CLSTN2: variants seen among roughly 807,000 people sequenced by gnomAD.
CLSTN2 encodes the protein calsyntenin-2.
In CLSTN2, 48 loss-of-function variants were observed where a neutral mutation model predicts 101.2. The observed-to-expected ratio is 0.47, with a 90% CI of 0.38 to 0.60. The LOEUF (loss-of-function observed/expected upper bound fraction) is 0.60, where lower values mean the gene tolerates loss of function less well. Ranked by LOEUF, CLSTN2 falls within the 20% of genes least tolerant of loss-of-function variation. The pLI, the probability that CLSTN2 is intolerant of heterozygous loss-of-function variation, is 0.00. For synonymous variants in CLSTN2, 481 were observed against 463.6 expected (o/e 1.04, Z -0.48); for missense variants, 1,160 against 1,238.2 (o/e 0.94, Z 0.95).
chr3:140,353,440 C>T lies in CLSTN2; in HGVS notation c.233-50189C>T, dbSNP rs556848217. Among the ~76,000 whole-genome samples the T allele has an allele frequency of 3.2e-4, 48 of 152,138 alleles. No individual in the cohort carries two copies. The South Asian group carries it at 1.0e-2, about 32-fold the overall frequency. ...GTATACTGGGAGTCTAGGCCAGTCT[C>T]GCCTTTTGACATTTTTCTGCCTGTT... On this transcript the variant is annotated intron_variant, in intron 2 of 16. Coordinates refer to ENST00000458420, the MANE Select transcript of CLSTN2 (RefSeq NM_022131.3).
chr3:140,351,697 G>T (rs1460294726), intron 2 of CLSTN2, among the ~76,000 whole-genome samples: 1 of 152,172 alleles, frequency 6.6e-6, no homozygotes, highest in Non-Finnish European at 1.5e-5. Flanking sequence ...TGTCCTGCAG[G>T]CTCTAGAGGC....
intron 2 of CLSTN2, among the ~76,000 whole-genome samples, chr3:140,219,649 C>T (rs1054270841): frequency 2.0e-5 from 3 of 152,196 alleles, no homozygotes; most frequent in African/African-American, 4.8e-5. Flanking sequence ...TCAGTGATTG[C>T]GCCCAGCCCT....
chr3:140,553,841 G>T (rs1201902390), intron 10 of CLSTN2, among the ~76,000 whole-genome samples: 1 of 152,130 alleles, frequency 6.6e-6, no homozygotes, highest in Non-Finnish European at 1.5e-5. Flanking sequence ...CCTCCGCAAT[G>T]CCCAGGAAGG....
chr3:140,100,139 G>A (rs546691635), intron 1 of CLSTN2, among the ~76,000 whole-genome samples: 9 of 142,596 alleles, frequency 6.3e-5, no homozygotes, highest in African/African-American at 2.3e-4. Flanking sequence ...TCTGTAAGTT[G>A]CATTTCTCTT....
At position 140,550,178 on chromosome 3, in the gene CLSTN2, C is replaced by A. The variant is rs1044139072; in HGVS notation, c.1674+3497C>A. On this transcript the variant is annotated intron_variant, in intron 10 of 16. Transcript: ENST00000458420. ...AGGCAGGGGCCATATCAGAGCCCAC[C>A]TATTAACCATGTTTAGGTGTTTACG... is the stretch of plus-strand genomic sequence containing the variant. Among the ~76,000 whole-genome samples, 24 of 151,812 alleles carry A rather than the reference C, an allele frequency of 1.6e-4. No individual in the cohort carries two copies. The South Asian group carries it at 1.7e-3, about 11-fold the overall frequency.
At chr3:140,036,362 G>T (rs954112281) in intron 1 of CLSTN2, among the ~76,000 whole-genome samples, 3 of 152,070 alleles carry the variant, frequency 2.0e-5, no homozygotes, top group African/African-American at 7.2e-5. Context: ...TTTTAATTAG[G>T]GACCAACACT....
chr3:140,474,571 G>A (rs192489342), intron 8 of CLSTN2, among the ~76,000 whole-genome samples: 61 of 152,294 alleles, frequency 4.0e-4, no homozygotes, highest in Non-Finnish European at 7.1e-4. Flanking sequence ...GGTTCTGTAA[G>A]TAGTAAAGCA....
At chr3:140,296,761 CT>C (rs1249113532) in intron 2 of CLSTN2, among the ~76,000 whole-genome samples, 1 of 152,182 alleles carries the variant, frequency 6.6e-6, no homozygotes, top group Non-Finnish European at 1.5e-5. Context: ...TTTACTATTT[CT>C]AATCATAGCA....
intron 2 of CLSTN2, among the ~76,000 whole-genome samples, chr3:140,196,056 C>G (rs929446369): frequency 2.6e-5 from 4 of 152,204 alleles, no homozygotes; most frequent in African/African-American, 9.7e-5. Flanking sequence ...GTTGGGGCAT[C>G]TTCCTGATGG....
intron 8 of CLSTN2, among the ~76,000 whole-genome samples, chr3:140,476,519 G>A (rs1315901989): frequency 6.6e-6 from 1 of 152,172 alleles, no homozygotes; most frequent in Non-Finnish European, 1.5e-5. Flanking sequence ...GTCTTAACTT[G>A]GGTGAATGTA....
chr3:139,958,494 T>C (rs1408207589), intron 1 of CLSTN2, among the ~76,000 whole-genome samples: 2 of 152,216 alleles, frequency 1.3e-5, no homozygotes, highest in Admixed American at 6.5e-5. Flanking sequence ...ATTATAGAAT[T>C]TGGTAGGACA....
chr3:140,374,165 T>C (rs1576538295), intron 2 of CLSTN2, among the ~76,000 whole-genome samples: 1 of 152,236 alleles, frequency 6.6e-6, no homozygotes, highest in Non-Finnish European at 1.5e-5. Flanking sequence ...CCCACTGGTG[T>C]TGACATCACA....
intron 2 of CLSTN2, among the ~76,000 whole-genome samples, chr3:140,271,834 G>A (rs1488095021): frequency 2.0e-5 from 3 of 152,206 alleles, no homozygotes; most frequent in Admixed American, 6.5e-5. Context: ...AAAGTCACAC[G>A]CTACATGTGC....
chr3:140,097,859 G>A (rs2008897125), intron 1 of CLSTN2, among the ~76,000 whole-genome samples: 1 of 152,090 alleles, frequency 6.6e-6, no homozygotes, highest in South Asian at 2.1e-4. Context: ...AATGCAAATG[G>A]GCAGCTTTGA....
At chr3:140,061,275 T>A (rs1560083141) in intron 1 of CLSTN2, among the ~76,000 whole-genome samples, 1 of 152,358 alleles carries the variant, frequency 6.6e-6, no homozygotes, top group East Asian at 1.9e-4. Flanking sequence ...TGGACACATT[T>A]CCTTTATCTG....
intron 1 of CLSTN2, among the ~76,000 whole-genome samples, chr3:140,031,293 G>T (rs1452226926): frequency 6.6e-6 from 1 of 152,142 alleles, no homozygotes; most frequent in African/African-American, 2.4e-5. Flanking sequence ...TTGGTTCTTT[G>T]TTAGTGACGC....
chr3:140,047,797 C>T (rs2007910219), intron 1 of CLSTN2, among the ~76,000 whole-genome samples: 1 of 152,202 alleles, frequency 6.6e-6, no homozygotes, highest in Admixed American at 6.5e-5. Flanking sequence ...TTCGTTAACA[C>T]ATTAATCCAT....
At chr3:140,014,494 C>T (rs2007155520) in intron 1 of CLSTN2, among the ~76,000 whole-genome samples, 1 of 152,118 alleles carries the variant, frequency 6.6e-6, no homozygotes, top group African/African-American at 2.4e-5. Context: ...GTTGAGATTA[C>T]AGGCATGGGA....
intron 1 of CLSTN2, among the ~76,000 whole-genome samples, chr3:140,052,812 A>G (rs749924908): frequency 1.3e-5 from 2 of 152,234 alleles, no homozygotes; most frequent in Non-Finnish European, 2.9e-5. Flanking sequence ...AAGCATGCCT[A>G]TTCACAGGCT....
Sources: gnomAD v4.1 joint callset for allele counts (sites outside exome capture counted in the v4.1 genomes callset) on GRCh38, gnomAD v4.1.1 for gene constraint, MANE v1.5 for transcripts, NCBI Gene and HGNC (gene_info 2026-07-23, HGNC 2026-07-21) for gene names.